Variants in PDLIM2 observed in about 807,000 individuals in gnomAD.
The protein encoded by PDLIM2 is PDZ and LIM domain 2, also known as PDZ and LIM domain protein 2.
A neutral mutation model predicts 54.1 loss-of-function variants in PDLIM2; 51 were observed. That is an observed-to-expected ratio of 0.94 (90% CI 0.75 to 1.19). PDLIM2 has a LOEUF of 1.19. PDLIM2 is among the 50% of genes most tolerant of loss of function. The pLI is 0.00. For missense variants in PDLIM2, 912 were observed against 874.0 expected, an observed-to-expected ratio of 1.04 and a Z score of -0.55; for synonymous variants, 398 against 385.6, an observed-to-expected ratio of 1.03 and a Z score of -0.38.
chr8:22,589,721 C>G, exon 8 of PDLIM2: 1 of 1,569,318 alleles, frequency 6.4e-7, no homozygotes, highest in South Asian at 1.2e-5. Context: ...TTGCAGGAAG[C>G]CCTGGAGGCT....
intron 8 of PDLIM2, chr8:22,591,035 C>A: frequency 5.6e-6 from 1 of 177,050 alleles, no homozygotes; most frequent in Non-Finnish European, 1.2e-5. Context: ...GACCCTGAGG[C>A]CTCAGAAGGT....
intron 2 of PDLIM2, 92 bp from the exon 2 acceptor site, chr8:22,581,287 A>G: frequency 6.7e-7 from 1 of 1,498,214 alleles, no homozygotes; most frequent in Non-Finnish European, 8.9e-7. Flanking sequence ...GGCCTGGGTC[A>G]AGCCAGCCTC....
chr8:22,594,452 C>T (rs902796483), downstream of PDLIM2: 2 of 1,608,302 alleles, frequency 1.2e-6, no homozygotes, highest in Middle Eastern at 1.7e-4. Context: ...CTGACATTTC[C>T]CATGGAAGGG....
In PDLIM2 at chr8:22,585,412, G is replaced by A. The variant is rs754493536; in HGVS notation, c.1290+13G>A. On this transcript the variant is annotated intron_variant, in intron 6 of 9. Coordinates refer to ENST00000308354, the Ensembl canonical transcript of PDLIM2. ...TGGAAGCCGACAGGTGAGGCTCCCTGGGGGAGGACAGGCTGGAGGAACAGA... is the reference window on the plus strand; with the variant it reads ...TGGAAGCCGACAGGTGAGGCTCCCTAGGGGAGGACAGGCTGGAGGAACAGA... The A allele has an allele frequency of 5.6e-6, 9 of 1,601,706 alleles. No individual in the cohort carries two copies. In the East Asian group the frequency reaches 1.1e-4, roughly 20 times the overall value.
downstream of PDLIM2, chr8:22,596,522 A>C (rs563105257): frequency 2.0e-5 from 3 of 152,304 alleles, no homozygotes; most frequent in African/African-American, 7.2e-5. Context: ...CTTGTCCCCA[A>C]CCTAAGCCAG....
At chr8:22,596,517 C>G (rs1417938234), downstream of PDLIM2, 1 of 152,178 alleles carries the variant, frequency 6.6e-6, no homozygotes, top group East Asian at 1.9e-4. Context: ...CTGATCTTGT[C>G]CCCAACCTAA....
chr8:22,581,503 C>G lies in PDLIM2; in HGVS notation c.968C>G (p.Pro323Arg), dbSNP rs1187430456. ...GCCCAGAGCAAGATCCGCCAGAGCC[C>G]CTCGCCCCTGCGGCTGCAGCTGGAC... Residue 323 changes from proline (P) to arginine (R), a missense_variant, in exon 3 of 10, where the codon CCC (proline) becomes CGC (arginine). Pro to Arg is a moderately radical substitution (Grantham distance 103). Transcript: ENST00000308354. 1.3e-5 allele frequency: 21 copies of G among 1,595,908 alleles called. No homozygotes were observed. In the Middle Eastern group the frequency reaches 1.2e-3, roughly 89 times the overall value.
chr8:22,586,571 G>C (rs970321425), intron 6 of PDLIM2, among the ~76,000 whole-genome samples: 1 of 152,064 alleles, frequency 6.6e-6, no homozygotes, highest in Non-Finnish European at 1.5e-5. Context: ...ACACTGGTCC[G>C]GGCGACGGCT....
intron 6 of PDLIM2, chr8:22,587,967 A>C (rs1800427181): frequency 6.6e-6 from 1 of 152,284 alleles, no homozygotes; most frequent in South Asian, 2.1e-4. Flanking sequence ...GGGAATGAGG[A>C]CTTGCCTCAT....
At chr8:22,585,649 C>G (rs1011867505) in intron 6 of PDLIM2, 1 of 224,066 alleles carries the variant, frequency 4.5e-6, no homozygotes, top group Non-Finnish European at 8.9e-6. Flanking sequence ...CTCCCCTCAT[C>G]CCCCTCCCCT....
exon 9 of PDLIM2, chr8:22,591,572 C>G: frequency 6.2e-7 from 1 of 1,613,702 alleles, no homozygotes; most frequent in Non-Finnish European, 8.5e-7. Context: ...GCCTTCTTGC[C>G]CAGCTCACTG....
At chr8:22,591,239 T>G in intron 8 of PDLIM2, 3 of 390,152 alleles carry the variant, frequency 7.7e-6, no homozygotes, top group South Asian at 2.6e-5. Context: ...CCATCTCCAG[T>G]TATTATCTAA....
At chr8:22,592,651 G>A (rs529309564) in intron 9 of PDLIM2, 4 of 152,306 alleles carry the variant, frequency 2.6e-5, no homozygotes, top group South Asian at 4.1e-4. Flanking sequence ...TGTGTGTCGG[G>A]TCCCTTGGAG....
intron 9 of PDLIM2, chr8:22,592,745 C>G (rs1161679837): frequency 6.6e-6 from 1 of 152,250 alleles, no homozygotes; most frequent in Non-Finnish European, 1.5e-5. Context: ...GCATTTCTCA[C>G]GAATTCCCCA....
At chr8:22,593,775 C>A in exon 10 of PDLIM2, 2 of 1,604,172 alleles carry the variant, frequency 1.2e-6, no homozygotes, top group Non-Finnish European at 1.7e-6. Flanking sequence ...ACCGCCACCC[C>A]GGCTGCTACA....
exon 1 of PDLIM2, chr8:22,579,334 C>T (rs2117332269): frequency 3.4e-6 from 5 of 1,460,276 alleles, no homozygotes; most frequent in Non-Finnish European, 4.5e-6. Context: ...GCCCAGCTCC[C>T]TGGAGCCTCG....
At chr8:22,579,332 C>T (rs1370339726) in exon 1 of PDLIM2, 1 of 1,459,074 alleles carries the variant, frequency 6.9e-7, no homozygotes, top group Non-Finnish European at 9.0e-7. Flanking sequence ...CGGCCCAGCT[C>T]CCTGGAGCCT....
At chr8:22,584,377 C>T (rs930783819) in intron 3 of PDLIM2, among the ~76,000 whole-genome samples, 3 of 151,860 alleles carry the variant, frequency 2.0e-5, no homozygotes, top group East Asian at 1.9e-4. Flanking sequence ...GGCACAATCA[C>T]GGCTCACTAC....
chr8:22,579,278 C>G, exon 1 of PDLIM2: 1 of 1,371,010 alleles, frequency 7.3e-7, no homozygotes, highest in Non-Finnish European at 9.3e-7. Flanking sequence ...CGGCGCCGGG[C>G]TCCTCTCCGC....
Sources: allele counts gnomAD v4.1 joint callset (sites outside exome capture counted in the v4.1 genomes callset), GRCh38; gene constraint gnomAD v4.1.1; transcripts MANE v1.5; gene names NCBI Gene and HGNC (gene_info 2026-07-23, HGNC 2026-07-21).